ZFAND4: variants seen among roughly 807,000 people sequenced by gnomAD.
ZFAND4 encodes zinc finger AN1-type containing 4, also known as AN1-type zinc finger protein 4.
A neutral mutation model predicts 64.4 loss-of-function variants in ZFAND4; 43 were observed. The observed-to-expected ratio is 0.67, with a 90% CI of 0.52 to 0.86. The LOEUF is 0.86. Ranked by LOEUF, ZFAND4 falls within the 40% of genes least tolerant of loss-of-function variation. The pLI, the probability that ZFAND4 is intolerant of heterozygous loss-of-function variation, is 0.00. For synonymous variants in ZFAND4, 296 were observed against 305.7 expected (o/e 0.97, Z 0.33); for missense variants, 929 against 859.8 (o/e 1.08, Z -1.01).
Position 45,639,934 on chromosome 10 carries a change from T to A in ZFAND4, c.599A>T (p.Asp200Val), listed in dbSNP as rs2046872666. ...AGAAGGCTCAGTTTCTTCATCCTCA[T>A]CTGTATCTGAATTATACATAGAACC... ...SGGSMYNSDT[D>V]EDEETEPSSS... The change falls in exon 6 of 10, where the codon GAT becomes GTT. Residue 200 changes from aspartate (D) to valine (V), a missense_variant. Asp to Val is a radical substitution (Grantham distance 152, BLOSUM62 -3). Transcript: ENST00000344646. The A allele has an allele frequency of 2.5e-6, 4 of 1,612,840 alleles. No homozygotes were observed. Among genetic ancestry groups the A allele is most frequent in the Non-Finnish European group, 3.4e-6 (4 of 1,179,864 alleles).
intron 2 of ZFAND4, among the ~76,000 whole-genome samples, chr10:45,656,122 T>C (rs1290765406): frequency 6.6e-6 from 1 of 152,000 alleles, no homozygotes; most frequent in Non-Finnish European, 1.5e-5. Flanking sequence ...CCCCAGCTAC[T>C]TGGGAGGCTG....
At chr10:45,647,372 A>G (rs889396764) in intron 5 of ZFAND4, among the ~76,000 whole-genome samples, 3 of 151,168 alleles carry the variant, frequency 2.0e-5, no homozygotes, top group African/African-American at 7.3e-5. Flanking sequence ...GAGCACAGCA[A>G]TGCTGTGCCT....
chr10:45,656,501 C>CAAAAAAAA (rs541781976), intron 2 of ZFAND4, among the ~76,000 whole-genome samples: 2 of 24,710 alleles, frequency 8.1e-5, no homozygotes, highest in African/African-American at 1.9e-4. Flanking sequence ...GAACCTGTCT[C>CAAAAAAAA]AAAAAAAAAA....
intron 1 of ZFAND4, among the ~76,000 whole-genome samples, chr10:45,669,170 T>C (rs907782883): frequency 1.3e-5 from 2 of 151,532 alleles, no homozygotes; most frequent in Middle Eastern, 3.2e-3. Flanking sequence ...AAGAATCAAA[T>C]AGATGCAATA....
intron 5 of ZFAND4, among the ~76,000 whole-genome samples, chr10:45,644,305 G>C (rs2047225650): frequency 6.6e-6 from 1 of 152,186 alleles, no homozygotes; most frequent in Non-Finnish European, 1.5e-5. Flanking sequence ...AGCAAAGCAT[G>C]ATGCTTATAA....
intron 5 of ZFAND4, among the ~76,000 whole-genome samples, chr10:45,644,901 A>G (rs2047266317): frequency 6.6e-6 from 1 of 152,090 alleles, no homozygotes; most frequent in Non-Finnish European, 1.5e-5. Flanking sequence ...GAACTCTGCT[A>G]TAACTGATGG....
intron 2 of ZFAND4, among the ~76,000 whole-genome samples, chr10:45,660,516 G>A (rs1374522698): frequency 1.3e-5 from 2 of 152,124 alleles, no homozygotes; most frequent in Non-Finnish European, 2.9e-5. Context: ...TAATGGCCCA[G>A]ATTTTCCAAA....
At chr10:45,630,180 CAA>C (rs2046107435) in intron 6 of ZFAND4, among the ~76,000 whole-genome samples, 1 of 151,908 alleles carries the variant, frequency 6.6e-6, no homozygotes, top group Non-Finnish European at 1.5e-5. Flanking sequence ...AACAATGAAA[CAA>C]AAGAAAACTC....
At chr10:45,648,983 A>G in intron 4 of ZFAND4, 1 of 985,238 alleles carries the variant, frequency 1.0e-6, no homozygotes, top group Non-Finnish European at 1.2e-6. Context: ...AAGTACACAG[A>G]CACGGCCGGG....
chr10:45,662,769 T>C (rs145725303), intron 2 of ZFAND4: 1 of 648,632 alleles, frequency 1.5e-6, no homozygotes, highest in African/African-American at 2.0e-5. Context: ...CCTTCTATAA[T>C]TCTGAACTTA....
At chr10:45,636,208 T>C (rs901157491) in intron 6 of ZFAND4, among the ~76,000 whole-genome samples, 3 of 152,220 alleles carry the variant, frequency 2.0e-5, no homozygotes, top group African/African-American at 7.2e-5. Flanking sequence ...TCTTTGGACT[T>C]CTTGACTATC....
chr10:45,618,056 C>A, intron 9 of ZFAND4, 84 bp downstream of exon 9: 1 of 1,399,132 alleles, frequency 7.1e-7, no homozygotes, highest in Non-Finnish European at 9.7e-7. Context: ...TATAAACAGG[C>A]AATTTAAATA....
intron 4 of ZFAND4, chr10:45,651,261 C>T (rs1002116714): frequency 1.1e-5 from 2 of 190,304 alleles, no homozygotes; most frequent in African/African-American, 2.3e-5. Flanking sequence ...CTTAATAAAA[C>T]CCTCTCATCA....
intron 1 of ZFAND4, among the ~76,000 whole-genome samples, chr10:45,665,048 C>T (rs1323195825): frequency 2.6e-5 from 4 of 152,178 alleles, no homozygotes; most frequent in Non-Finnish European, 4.4e-5. Context: ...CACATACATA[C>T]AATGGCTAAT....
At chr10:45,666,911 G>C (rs1239973913) in intron 1 of ZFAND4, among the ~76,000 whole-genome samples, 1 of 152,166 alleles carries the variant, frequency 6.6e-6, no homozygotes, top group East Asian at 1.9e-4. Context: ...TTTGTAGTAA[G>C]TTCTGAAATC....
chr10:45,648,850 T>C, intron 4 of ZFAND4: 1 of 761,318 alleles, frequency 1.3e-6, no homozygotes, highest in Non-Finnish European at 1.6e-6. Context: ...GTCTGTGTAT[T>C]TGCTGATTCT....
intron 4 of ZFAND4, among the ~76,000 whole-genome samples, 157 bp downstream of exon 4, chr10:45,651,809 C>A (rs1352403064): frequency 6.6e-6 from 1 of 152,134 alleles, no homozygotes; most frequent in Non-Finnish European, 1.5e-5. Context: ...AGCCTCTAGG[C>A]ATTTAGGTTT....
At chr10:45,644,837 G>A (rs1457411296) in intron 5 of ZFAND4, among the ~76,000 whole-genome samples, 1 of 152,034 alleles carries the variant, frequency 6.6e-6, no homozygotes, top group Non-Finnish European at 1.5e-5. Context: ...AGCTACTACA[G>A]GTGAGAATAT....
rs532259469 is a variant in ZFAND4 at position 45,649,228 on chromosome 10, C to A, written c.329-694G>T. Among the ~76,000 whole-genome samples the A allele has an allele frequency of 3.3e-5, 5 of 151,178 alleles. No individual in the cohort carries two copies. The East Asian group carries it at 9.7e-4, about 29-fold the overall frequency. On this transcript the variant is annotated intron_variant, in intron 4 of 9. Coordinates refer to ENST00000344646, the MANE Select transcript of ZFAND4 (RefSeq NM_174890.4). ...ATCTAAGAAATTAGAAGTAAGCAGA[C>A]CTATCTTTTTCTTTCTGGTTTTATA...
Sources: allele counts gnomAD v4.1 joint callset (sites outside exome capture counted in the v4.1 genomes callset), GRCh38; gene constraint gnomAD v4.1.1; transcripts MANE v1.5; gene names NCBI Gene and HGNC (gene_info 2026-07-23, HGNC 2026-07-21).